The following ARAP2 variants were observed in gnomAD, a reference collection of about 807,000 sequenced individuals.
ARAP2 encodes ArfGAP with RhoGAP domain, ankyrin repeat and PH domain 2.
A neutral mutation model predicts 194.5 loss-of-function variants in ARAP2; 148 were observed. That is an observed-to-expected ratio of 0.76 (90% CI 0.67 to 0.87). The LOEUF (loss-of-function observed/expected upper bound fraction) is 0.87. ARAP2 is among the 40% of genes least tolerant of loss of function. ARAP2 has a pLI of 0.00. For missense variants in ARAP2, 2,128 were observed against 1,989.7 expected (o/e 1.07, Z -1.32); for synonymous variants, 695 against 683.5 (o/e 1.02, Z -0.26).
At chr4:36,159,656 C>T (rs1733452404) in intron 13 of ARAP2, 151 bp from the exon 14 acceptor site, 2 of 630,806 alleles carry the variant, frequency 3.2e-6, no homozygotes, top group Non-Finnish European at 4.6e-6. Context: ...ATGAATTAGG[C>T]AATAGGCACA....
At chr4:36,197,152 CTTAT>C (rs1226923911) in intron 6 of ARAP2, among the ~76,000 whole-genome samples, 2 of 151,760 alleles carry the variant, frequency 1.3e-5, no homozygotes, top group South Asian at 2.1e-4. Context: ...AATTGACATA[CTTAT>C]GGGGTAAATG....
chr4:36,085,234 CT>C (rs1209078412), intron 28 of ARAP2, among the ~76,000 whole-genome samples: 1 of 151,944 alleles, frequency 6.6e-6, no homozygotes, highest in South Asian at 2.1e-4. Context: ...ATATACTGGT[CT>C]TTTGGGGGTT....
chr4:36,007,933 C>T (rs1713639811), intron 9 of ARAP2, among the ~76,000 whole-genome samples: 1 of 151,982 alleles, frequency 6.6e-6, no homozygotes. Context: ...AGAAGGCAAT[C>T]TCTTTCATAA....
At chr4:36,111,908 G>A (rs1480295853) in intron 26 of ARAP2, among the ~76,000 whole-genome samples, 4 of 151,980 alleles carry the variant, frequency 2.6e-5, no homozygotes, top group East Asian at 1.9e-4. Flanking sequence ...AGAGGGCAAC[G>A]GAGGTAGGGA....
intron 20 of ARAP2, among the ~76,000 whole-genome samples, chr4:36,132,446 T>C (rs578089585): frequency 1.3e-5 from 2 of 151,962 alleles, no homozygotes; most frequent in South Asian, 4.1e-4. Context: ...TCTAAATAAA[T>C]GGCATTTATC....
Position 36,210,399 on chromosome 4 carries a change from G to C in ARAP2, c.1478C>G (p.Ser493Cys). 5 of 1,609,152 alleles carry C rather than the reference G, an allele frequency of 3.1e-6. No homozygotes were observed. Among genetic ancestry groups the C allele is most frequent in the Non-Finnish European group, 4.2e-6 (5 of 1,177,952 alleles). The change falls in exon 6 of 33, where the codon TCT becomes TGT. Residue 493 changes from serine (S) to cysteine (C), a missense_variant. Coordinates refer to ENST00000303965, the MANE Select transcript of ARAP2 (RefSeq NM_015230.4). The stretch of plus-strand genomic sequence containing the variant: ...ATGCATACGTACATACCCTTGAGGA[G>C]AGAGTTTATCCAGCCATCCTGATTT... ...KVKSGWLDKL[S>C]PQGKRMFQKR...
In ARAP2 at chr4:36,124,867, C is replaced by G. The variant is rs373727709; in HGVS notation, c.3741G>C (p.Leu1247=). ...RATLAAIIEH[L]YRVQKCSEIN... is the part of the protein sequence containing the mutation. ...AAGTTCATTCATCTACCCACCTATACAGGTGTTCAATGATAGCTGCTAGTG... is the reference window on the plus strand; with the variant it reads ...AAGTTCATTCATCTACCCACCTATAGAGGTGTTCAATGATAGCTGCTAGTG... Residue 1247 remains leucine, a synonymous_variant, in exon 22 of 33, where the codon CTG becomes CTC. Coordinates refer to ENST00000303965, the MANE Select transcript of ARAP2 (RefSeq NM_015230.4). 2 of 1,599,778 alleles carry G rather than the reference C, an allele frequency of 1.3e-6. No individual in the cohort carries two copies. Among genetic ancestry groups the G allele is most frequent in the South Asian group, 2.2e-5 (2 of 90,076 alleles).
chr4:36,198,388 A>G (rs114668206), intron 6 of ARAP2, among the ~76,000 whole-genome samples: 2,140 of 152,288 alleles, frequency 0.014, 44 homozygotes, highest in African/African-American at 0.049. Flanking sequence ...GGTCTGCAGG[A>G]CTAGCCGGCC....
Position 36,193,649 on chromosome 4 carries a change from T to C in ARAP2, c.1488-2A>G, listed in dbSNP as rs1289406374. ...CATCTCTTTTGAAACATGCGTTTTC[T>C]GCAAAACATATGAAATTGTTATTTT... On this transcript the variant is annotated splice_acceptor_variant, in intron 6 of 32. Coordinates refer to ENST00000303965, the MANE Select transcript of ARAP2 (RefSeq NM_015230.4). LOFTEE classifies it high-confidence loss of function. 2 of 1,599,336 alleles carry C rather than the reference T, an allele frequency of 1.3e-6. No homozygotes were observed. The highest frequency in any genetic ancestry group is 2.2e-5 in the East Asian group (1 of 44,468).
chr4:36,058,642 TC>T (rs1427123306), intron 1 of ARAP2, among the ~76,000 whole-genome samples: 2 of 152,170 alleles, frequency 1.3e-5, no homozygotes, highest in African/African-American at 4.8e-5. Context: ...AAATCATTGT[TC>T]TTCTTCAAGC....
intron 6 of ARAP2, among the ~76,000 whole-genome samples, chr4:36,016,311 C>G (rs1715789824): frequency 1.3e-5 from 2 of 152,062 alleles, no homozygotes; most frequent in African/African-American, 4.8e-5. Context: ...GAAAAATGCA[C>G]ATAAGCTTCA....
intron 6 of ARAP2, among the ~76,000 whole-genome samples, chr4:36,016,695 C>T (rs1225166641): frequency 6.6e-6 from 1 of 152,100 alleles, no homozygotes; most frequent in African/African-American, 2.4e-5. Context: ...AATTTTTATA[C>T]CATGATCATG....
At chr4:36,137,808 C>T (rs995395528) in intron 19 of ARAP2, among the ~76,000 whole-genome samples, 2 of 151,700 alleles carry the variant, frequency 1.3e-5, no homozygotes, top group Non-Finnish European at 2.9e-5. Flanking sequence ...CTCTGGTCCT[C>T]GAGTCCAAAA....
intron 2 of ARAP2, among the ~76,000 whole-genome samples, chr4:36,053,367 G>T (rs879524883): frequency 2.0e-5 from 3 of 151,836 alleles, no homozygotes; most frequent in Non-Finnish European, 2.9e-5. Flanking sequence ...TATCTTAAGT[G>T]TACATTCCTC....
intron 8 of ARAP2, 31 bp from the exon 9 acceptor site, chr4:36,178,036 A>T: frequency 6.4e-7 from 1 of 1,552,666 alleles, no homozygotes; most frequent in Non-Finnish European, 8.7e-7. Context: ...AAATACATAA[A>T]TCCACATATA....
intron 24 of ARAP2, 57 bp downstream of exon 24, chr4:36,119,593 T>G: frequency 1.6e-6 from 2 of 1,267,624 alleles, no homozygotes; most frequent in Non-Finnish European, 2.3e-6. Flanking sequence ...TGTCTTTACT[T>G]ACAATGGAAG....
chr4:36,033,635 G>A (rs1719389065), intron 5 of ARAP2, among the ~76,000 whole-genome samples: 1 of 152,066 alleles, frequency 6.6e-6, no homozygotes, highest in African/African-American at 2.4e-5. Flanking sequence ...TTGCTGTGCA[G>A]AAGCTCTTAA....
At chr4:36,097,938 A>C (rs1047891202) in intron 27 of ARAP2, among the ~76,000 whole-genome samples, 1 of 152,124 alleles carries the variant, frequency 6.6e-6, no homozygotes, top group African/African-American at 2.4e-5. Context: ...ACTTGTTATT[A>C]ATTTAGAAAA....
chr4:36,094,216 G>C (rs1714563537), intron 27 of ARAP2, among the ~76,000 whole-genome samples: 1 of 152,012 alleles, frequency 6.6e-6, no homozygotes, highest in Non-Finnish European at 1.5e-5. Context: ...TTTCTCAAAA[G>C]TTTGATGACA....
Sources: allele counts gnomAD v4.1 joint callset (sites outside exome capture counted in the v4.1 genomes callset), GRCh38; gene constraint gnomAD v4.1.1; transcripts MANE v1.5; gene names NCBI Gene and HGNC (gene_info 2026-07-23, HGNC 2026-07-21).